Variants in RCL1 observed in about 807,000 individuals in gnomAD.
RCL1 encodes the protein RNA 3'-terminal phosphate cyclase-like protein.
Under a neutral mutation model 42.4 loss-of-function variants are expected in RCL1, and 24 were observed. That is an observed-to-expected ratio of 0.57 (90% CI 0.41 to 0.80). RCL1 has a LOEUF of 0.80. Among genes scored for constraint, RCL1 ranks in the 30% least tolerant of loss-of-function variants. The pLI, the probability that RCL1 is intolerant of heterozygous loss-of-function variation, is 0.00. For missense variants in RCL1, 578 were observed against 467.9 expected (o/e 1.24, Z -2.17); for synonymous variants, 228 against 177.3 (o/e 1.29, Z -2.27).
Position 4,846,894 on chromosome 9 carries a change from C to CTTTTTTCTT in RCL1, c.867+2219_867+2220insCTTTTTTTT, listed in dbSNP as rs57427254. ...TTAAATTAGGTTCTTTAATATTTTT[C>CTTTTTTCTT]TTTTTTTTTTTGAGGAAGAGTCTCA... is the stretch of plus-strand genomic sequence containing the variant. On this transcript the variant is annotated intron_variant, in intron 7 of 8. Coordinates refer to ENST00000381750, the MANE Select transcript of RCL1 (RefSeq NM_005772.5). 5.1e-3 allele frequency among the ~76,000 whole-genome samples: 764 copies of CTTTTTTCTT among 148,668 alleles called. 9 individuals are homozygous for CTTTTTTCTT. Among genetic ancestry groups the CTTTTTTCTT allele is most frequent in the African/African-American group, 0.015 (596 of 40,276 alleles).
chr9:4,836,652 G>GA (rs1266919142), intron 5 of RCL1: 2 of 152,234 alleles, frequency 1.3e-5, no homozygotes, highest in African/African-American at 4.8e-5. Flanking sequence ...CAGGGCGGGG[G>GA]TGGGTGCTTA....
At chr9:4,807,338 G>C (rs1816011473) in intron 1 of RCL1, among the ~76,000 whole-genome samples, 1 of 152,076 alleles carries the variant, frequency 6.6e-6, no homozygotes, top group African/African-American at 2.4e-5. Context: ...GTTTGAGGTG[G>C]AGCATAGATT....
chr9:4,851,408 G>C (rs1294846741), intron 8 of RCL1, among the ~76,000 whole-genome samples: 1 of 152,210 alleles, frequency 6.6e-6, no homozygotes, highest in Non-Finnish European at 1.5e-5. Context: ...ACAGGTAAGG[G>C]AGTCTATTTT....
chr9:4,849,965 T>C (rs559037283), intron 8 of RCL1, among the ~76,000 whole-genome samples: 7 of 152,168 alleles, frequency 4.6e-5, no homozygotes, highest in Non-Finnish European at 1.0e-4. Context: ...CTGGGAAAGA[T>C]GACAAAAGAC....
chr9:4,806,231 C>G (rs1478062660), intron 1 of RCL1, among the ~76,000 whole-genome samples: 1 of 151,692 alleles, frequency 6.6e-6, no homozygotes, highest in Non-Finnish European at 1.5e-5. Context: ...CCTTTTATTT[C>G]CTTCTGCCTT....
chr9:4,850,222 T>G (rs1450056164), intron 8 of RCL1: 1 of 496,294 alleles, frequency 2.0e-6, no homozygotes, highest in African/African-American at 1.9e-5. Context: ...GCTTGCATAC[T>G]TGGAGATCAT....
At chr9:4,832,398 G>A (rs904483720) in intron 3 of RCL1, among the ~76,000 whole-genome samples, 6 of 152,200 alleles carry the variant, frequency 3.9e-5, no homozygotes, top group African/African-American at 1.4e-4. Context: ...CTGTTGAATA[G>A]TTAATTTGGT....
chr9:4,860,477 C>G lies in RCL1; in HGVS notation c.*202C>G. On this transcript the variant is annotated 3_prime_UTR_variant, in exon 9 of 9. Transcript: ENST00000381750. ...GTTTCTCCAGTGGCATTGCCATTGCCCAGGAGGGGCCCAGTCACCATGAGA... is the reference window on the plus strand; with the variant it reads ...GTTTCTCCAGTGGCATTGCCATTGCGCAGGAGGGGCCCAGTCACCATGAGA... 1 of 573,760 alleles carries G rather than the reference C, an allele frequency of 1.7e-6. No homozygotes were observed. The highest frequency in any genetic ancestry group is 4.0e-5 in the Admixed American group (1 of 24,806). 35.5% of individuals were successfully genotyped at this position (573,760 alleles called of 1,614,324 possible). A position where few individuals can be genotyped will look rare whatever the true frequency, so the allele number is the denominator to read the frequency against.
intron 1 of RCL1, among the ~76,000 whole-genome samples, chr9:4,819,714 A>G (rs942920739): frequency 1.3e-5 from 2 of 152,018 alleles, no homozygotes; most frequent in Admixed American, 6.6e-5. Flanking sequence ...GGCTGAGGCA[A>G]GAGAATCGCT....
chr9:4,860,418 T>G lies in RCL1; in HGVS notation c.*143T>G. 1.1e-6 allele frequency: 1 copy of G among 889,490 alleles called. No individual in the cohort carries two copies. The highest frequency in any genetic ancestry group is 1.7e-6 in the Non-Finnish European group (1 of 605,086). The allele number at this position is 889,490 out of a possible 1,614,324, so 55.1% of individuals were successfully genotyped here. ...CTGTGAAGAAATATCAATATACAAA[T>G]AAAAGACATCCCTGTAGCATATGGT... On this transcript the variant is annotated 3_prime_UTR_variant, in exon 9 of 9. Coordinates refer to ENST00000381750, the MANE Select transcript of RCL1 (RefSeq NM_005772.5).
At chr9:4,807,823 T>TGG (rs1363747135) in intron 1 of RCL1, among the ~76,000 whole-genome samples, 2 of 152,202 alleles carry the variant, frequency 1.3e-5, no homozygotes, top group Non-Finnish European at 2.9e-5. Context: ...CTGGCAGCTA[T>TGG]GGGTCATTTA....
chr9:4,810,095 T>G (rs981094372), intron 1 of RCL1, among the ~76,000 whole-genome samples: 13 of 152,238 alleles, frequency 8.5e-5, no homozygotes, highest in African/African-American at 2.4e-4. Flanking sequence ...CCCAAAGTGC[T>G]AAGATTACAG....
At chr9:4,850,493 CTTTTT>C (rs35181848) in intron 8 of RCL1, 14 of 136,950 alleles carry the variant, frequency 1.0e-4, no homozygotes, top group Admixed American at 8.3e-4. Flanking sequence ...TTTTTTTTTT[CTTTTT>C]TTTTTTTTTT....
intron 8 of RCL1, among the ~76,000 whole-genome samples, chr9:4,853,542 C>T (rs775569650): frequency 9.9e-5 from 15 of 151,976 alleles, no homozygotes; most frequent in Admixed American, 3.3e-4. Context: ...AGGATGATCT[C>T]GATCTCCTGA....
Position 4,844,681 on chromosome 9 carries a change from G to C in RCL1, c.867G>C (p.Arg289Ser). Reference protein sequence around the residue: ...CARLLLEEIYRGGCVDSTNQS... With the variant: ...CARLLLEEIYSGGCVDSTNQS... ...GGCTGCTGCTGGAGGAAATCTACAG[G>C]GTATGTCCACAGCTTCCTCTGATAG... Residue 289 changes from arginine (R) to serine (S), a missense_variant and splice_region_variant, in exon 7 of 9, where the codon AGG (arginine) becomes AGC (serine). By Grantham distance (110) the Arg-to-Ser change is moderately radical (BLOSUM62 -1). Coordinates refer to ENST00000381750, the MANE Select transcript of RCL1 (RefSeq NM_005772.5). 1.2e-6 allele frequency: 2 copies of C among 1,611,738 alleles called. No individual in the cohort carries two copies. Among genetic ancestry groups the C allele is most frequent in the Non-Finnish European group, 1.7e-6 (2 of 1,179,296 alleles).
rs376418758 is a variant in RCL1, at chr9:4,834,689, GAC to G, written c.584+426_584+427del. Reference sequence around the variant, plus strand: ...TGCAGTGGGGTGGGGGCCTGGAGTAGACAGTGGTCAATTTTGTCTGGAGGACC... The same window carrying G: ...TGCAGTGGGGTGGGGGCCTGGAGTAGAGTGGTCAATTTTGTCTGGAGGACC... On this transcript the variant is annotated intron_variant, in intron 5 of 8. Transcript: ENST00000381750. 4.7e-3 allele frequency among the ~76,000 whole-genome samples: 716 copies of G among 151,666 alleles called. 5 individuals carry two copies. Among genetic ancestry groups the G allele is most frequent in the African/African-American group, 0.016 (658 of 41,022 alleles).
At chr9:4,819,083 G>T (rs952916090) in intron 1 of RCL1, among the ~76,000 whole-genome samples, 2 of 152,092 alleles carry the variant, frequency 1.3e-5, no homozygotes, top group Non-Finnish European at 2.9e-5. Context: ...TTTAAATTTT[G>T]TGTATTTTAA....
At chr9:4,854,103 A>G (rs374532565) in intron 8 of RCL1, among the ~76,000 whole-genome samples, 60 of 152,184 alleles carry the variant, frequency 3.9e-4, no homozygotes, top group Admixed American at 1.6e-3. Context: ...GCCCTAGAAC[A>G]TAATTGGTGT....
intron 3 of RCL1, among the ~76,000 whole-genome samples, chr9:4,827,562 G>A (rs1322809697): frequency 6.6e-6 from 1 of 152,094 alleles, no homozygotes; most frequent in Non-Finnish European, 1.5e-5. Flanking sequence ...GTAGTTTGTG[G>A]GTGTCAGCAA....
Sources: gnomAD v4.1 joint callset for allele counts (sites outside exome capture counted in the v4.1 genomes callset) on GRCh38, gnomAD v4.1.1 for gene constraint, MANE v1.5 for transcripts, NCBI Gene and HGNC (gene_info 2026-07-23, HGNC 2026-07-21) for gene names.